Variants in PINLYP observed in about 807,000 individuals in gnomAD.
The protein encoded by PINLYP is phospholipase A2 inhibitor and Ly6/PLAUR domain-containing protein.
PINLYP carries 12 observed loss-of-function variants against 15.8 expected under a neutral mutation model. That is an observed-to-expected ratio of 0.76 (90% CI 0.49 to 1.23). The LOEUF (loss-of-function observed/expected upper bound fraction) is 1.23, where lower values mean the gene tolerates loss of function less well. Ranked by LOEUF, PINLYP falls within the 50% of genes most tolerant of loss-of-function variation. PINLYP has a pLI of 0.00. For missense variants in PINLYP, 278 were observed against 264.2 expected (o/e 1.05, Z -0.36); for synonymous variants, 93 against 97.7 (o/e 0.95, Z 0.28).
upstream of PINLYP, chr19:43,575,713 A>G (rs1972853796): frequency 2.6e-6 from 1 of 392,024 alleles, no homozygotes; most frequent in African/African-American, 2.1e-5. Context: ...TCCCTCCGCC[A>G]CACACAACCC....
intron 1 of PINLYP, 47 bp downstream of exon 1, chr19:43,576,966 G>A: frequency 1.6e-6 from 1 of 632,856 alleles, no homozygotes; most frequent in Non-Finnish European, 2.5e-6. Flanking sequence ...AGAAGAGGGG[G>A]ATGGAAGCCC....
intron 3 of PINLYP, 114 bp from the exon 4 acceptor site, chr19:43,581,098 C>T (rs1191837938): frequency 2.9e-5 from 33 of 1,144,750 alleles, no homozygotes; most frequent in Non-Finnish European, 3.8e-5. Context: ...AGAAAGAGAC[C>T]ATCCCAGGAA....
rs1972895996 is a variant in PINLYP, at chr19:43,578,782, G to C, written c.187+76G>C. On this transcript the variant is annotated intron_variant, in intron 3 of 5. Transcript: ENST00000599207. ...GGTGGAAGAGACTACCATGCTGAGG[G>C]GGGATCATCATGGTTCTCAAGACGG... 5.2e-6 allele frequency: 6 copies of C among 1,154,832 alleles called. No individual in the cohort carries two copies. The East Asian group carries it at 1.3e-4, about 25-fold the overall frequency. 71.5% of individuals were successfully genotyped at this position (1,154,832 alleles called of 1,614,324 possible).
exon 1 of PINLYP, chr19:43,576,701 G>A (rs1272273790): frequency 1.2e-5 from 2 of 163,786 alleles, no homozygotes; most frequent in Non-Finnish European, 2.7e-5. Context: ...CACATGAAGA[G>A]AGGGGAAGGG....
chr19:43,581,280 T>A, exon 4 of PINLYP: 1 of 1,537,092 alleles, frequency 6.5e-7, no homozygotes, highest in Non-Finnish European at 8.7e-7. Context: ...CGGCGTTATA[T>A]CCACCACCAT....
intron 4 of PINLYP, 55 bp from the exon 5 acceptor site, chr19:43,581,508 T>C: frequency 1.3e-6 from 2 of 1,510,770 alleles, no homozygotes; most frequent in East Asian, 2.5e-5. Context: ...TGTTGGGAGG[T>C]TGGGGGAACG....
intron 3 of PINLYP, chr19:43,579,151 G>A: frequency 5.1e-6 from 1 of 194,594 alleles, no homozygotes; most frequent in Non-Finnish European, 1.1e-5. Flanking sequence ...GACCGAGGGA[G>A]GAGAGATGAT....
At chr19:43,580,743 A>T in intron 3 of PINLYP, 1 of 896,936 alleles carries the variant, frequency 1.1e-6, no homozygotes, top group Non-Finnish European at 1.3e-6. Context: ...AGGGCTACCT[A>T]AGAAAGCACT....
intron 3 of PINLYP, among the ~76,000 whole-genome samples, chr19:43,579,312 C>G (rs925511864): frequency 6.6e-6 from 1 of 152,040 alleles, no homozygotes. Flanking sequence ...ATGGCGCGAT[C>G]TCTGCTCACT....
intron 1 of PINLYP, 97 bp from the exon 2 acceptor site, chr19:43,577,018 G>T (rs1049933707): frequency 2.7e-5 from 33 of 1,237,084 alleles, no homozygotes; most frequent in Non-Finnish European, 3.4e-5. Context: ...CTGGGCACAA[G>T]ATGCCCAGGT....
exon 2 of PINLYP, chr19:43,577,177 G>A (rs1972875998): frequency 2.0e-6 from 3 of 1,535,946 alleles, no homozygotes; most frequent in South Asian, 2.4e-5. Context: ...ACCAGGTACT[G>A]CTGATACACA....
At chr19:43,581,174 G>A (rs768888763) in intron 3 of PINLYP, 38 bp from the exon 4 acceptor site, 11 of 1,527,366 alleles carry the variant, frequency 7.2e-6, no homozygotes, top group Non-Finnish European at 9.6e-6. Context: ...CCAGGGAGTG[G>A]TCAGCCAGCA....
chr19:43,581,462 G>A, intron 4 of PINLYP, 98 bp downstream of exon 4: 8 of 1,512,060 alleles, frequency 5.3e-6, no homozygotes, highest in Non-Finnish European at 7.1e-6. Flanking sequence ...CCTGTAAAAT[G>A]CAGTGTCTAT....
chr19:43,580,739 A>T, intron 3 of PINLYP: 1 of 927,720 alleles, frequency 1.1e-6, no homozygotes, highest in Non-Finnish European at 1.3e-6. Flanking sequence ...AGGGAGGGCT[A>T]CCTAAGAAAG....
At chr19:43,581,218 AGGAGTT>A in exon 4 of PINLYP, 2 of 1,536,890 alleles carry the variant, frequency 1.3e-6, no homozygotes. Context: ...ACAGAGGGCA[AGGAGTT>A]GGTGCACACC....
chr19:43,576,912 G>GGCCT lies in PINLYP; in HGVS notation c.-85_-84insGCCT, dbSNP rs397719987. On this transcript the variant is annotated 5_prime_UTR_variant, in exon 1 of 6. It removes the in-frame stop codon of an upstream open reading frame in the 5' UTR. Coordinates refer to ENST00000599207, the Ensembl canonical transcript of PINLYP. The stretch of plus-strand genomic sequence containing the variant: ...GCAAACAAACAAACAACAATGGGCC[G>GGCCT]TGGGAAGGTGAGAAAACAGGGTGGT... 31 of 480,020 alleles carry GGCCT rather than the reference G, an allele frequency of 6.5e-5. No individual in the cohort carries two copies. Among genetic ancestry groups the GGCCT allele is most frequent in the Non-Finnish European group, 1.0e-4 (28 of 270,490 alleles). 29.7% of individuals were successfully genotyped at this position (480,020 alleles called of 1,614,324 possible).
chr19:43,580,927 C>A, intron 3 of PINLYP: 3 of 323,584 alleles, frequency 9.3e-6, no homozygotes, highest in Non-Finnish European at 1.7e-5. Context: ...CATGGTGAAA[C>A]CCCGTCTCTA....
intron 2 of PINLYP, among the ~76,000 whole-genome samples, chr19:43,578,290 C>T (rs1249561536): frequency 6.6e-6 from 1 of 152,166 alleles, no homozygotes; most frequent in Non-Finnish European, 1.5e-5. Flanking sequence ...CATCACGACC[C>T]CTCCCTGCCC....
chr19:43,581,333 G>A (rs1318505589), exon 4 of PINLYP: 11 of 1,536,760 alleles, frequency 7.2e-6, no homozygotes, highest in Non-Finnish European at 8.7e-6. Context: ...TCTGCTGCCA[G>A]AGCGACGGCT....
Sources: gnomAD v4.1 joint callset for allele counts (sites outside exome capture counted in the v4.1 genomes callset) on GRCh38, gnomAD v4.1.1 for gene constraint, MANE v1.5 for transcripts, NCBI Gene and HGNC (gene_info 2026-07-23, HGNC 2026-07-21) for gene names.